SEMA3A: variants seen among roughly 807,000 people sequenced by gnomAD.
SEMA3A encodes the protein semaphorin 3A.
A neutral mutation model predicts 97.9 loss-of-function variants in SEMA3A; 29 were observed. The observed-to-expected ratio is 0.30, with a 90% confidence interval of 0.22 to 0.40. SEMA3A has a LOEUF of 0.40. SEMA3A is among the 10% of genes least tolerant of loss of function. The pLI is 1.00. For missense variants in SEMA3A, 763 were observed against 951.3 expected, an observed-to-expected ratio of 0.80 and a Z score of 2.60; for synonymous variants, 321 against 323.7, an observed-to-expected ratio of 0.99 and a Z score of 0.09.
At chr7:84,271,141 T>C (rs1020640456) in intron 3 of SEMA3A, among the ~76,000 whole-genome samples, 7 of 152,098 alleles carry the variant, frequency 4.6e-5, no homozygotes, top group African/African-American at 1.7e-4. Context: ...CTTTTCTCTC[T>C]CTTTTTTCTA....
chr7:84,219,874 T>G (rs1431584972), intron 3 of SEMA3A, among the ~76,000 whole-genome samples: 1 of 152,160 alleles, frequency 6.6e-6, no homozygotes, highest in Non-Finnish European at 1.5e-5. Flanking sequence ...CTTTTTCTGG[T>G]GAAGGGTCTT....
intron 3 of SEMA3A, among the ~76,000 whole-genome samples, chr7:84,245,880 C>T (rs2115584595): frequency 6.6e-6 from 1 of 152,304 alleles, no homozygotes; most frequent in Non-Finnish European, 1.5e-5. Context: ...AGCTCAAGCA[C>T]TGTGCTGGGA....
chr7:84,097,508 C>G (rs977358091), intron 4 of SEMA3A, among the ~76,000 whole-genome samples: 2 of 152,016 alleles, frequency 1.3e-5, no homozygotes, highest in South Asian at 4.1e-4. Context: ...GGCAGACTTG[C>G]GAATTGATTT....
At chr7:84,312,945 T>TAC (rs1323656036) in intron 2 of SEMA3A, among the ~76,000 whole-genome samples, 1 of 94,714 alleles carries the variant, frequency 1.1e-5, no homozygotes, top group African/African-American at 4.7e-5. Flanking sequence ...CACACACACG[T>TAC]ACACACATAT....
intron 2 of SEMA3A, among the ~76,000 whole-genome samples, chr7:84,316,904 A>G (rs1373355124): frequency 6.6e-6 from 1 of 152,184 alleles, no homozygotes; most frequent in Admixed American, 6.5e-5. Context: ...GAAAAGGTGA[A>G]GCTTTCACAA....
chr7:84,405,746 CA>C (rs1460776557), intron 1 of SEMA3A, among the ~76,000 whole-genome samples: 2 of 152,152 alleles, frequency 1.3e-5, no homozygotes, highest in Admixed American at 6.5e-5. Flanking sequence ...GAAACTCACT[CA>C]AAACCACTCA....
At chr7:84,490,406 G>A (rs1449482754) in intron 1 of SEMA3A, among the ~76,000 whole-genome samples, 1 of 152,032 alleles carries the variant, frequency 6.6e-6, no homozygotes, top group African/African-American at 2.4e-5. Flanking sequence ...TAGCATTTAA[G>A]CATAATAAGC....
chr7:84,062,838 G>A (rs1308723090), intron 4 of SEMA3A, among the ~76,000 whole-genome samples: 1 of 141,094 alleles, frequency 7.1e-6, no homozygotes, highest in African/African-American at 2.8e-5. Context: ...CAGCGAGGCG[G>A]GGGGAGGGGC....
chr7:84,418,531 G>A (rs931928441), intron 1 of SEMA3A, among the ~76,000 whole-genome samples: 6 of 152,018 alleles, frequency 3.9e-5, no homozygotes, highest in Non-Finnish European at 7.4e-5. Context: ...CAATGTGGGT[G>A]GGCACCCTCC....
At chr7:84,208,033 T>C (rs1169749723) in intron 3 of SEMA3A, among the ~76,000 whole-genome samples, 1 of 152,240 alleles carries the variant, frequency 6.6e-6, no homozygotes, top group Non-Finnish European at 1.5e-5. Flanking sequence ...TATTTATGTA[T>C]AAATGTATAT....
At chr7:83,976,107 C>T (rs994688417) in intron 15 of SEMA3A, among the ~76,000 whole-genome samples, 2 of 152,100 alleles carry the variant, frequency 1.3e-5, no homozygotes, top group Admixed American at 6.5e-5. Flanking sequence ...CAAACAATCC[C>T]GTGAGCATTC....
intron 1 of SEMA3A, among the ~76,000 whole-genome samples, chr7:84,393,167 T>C (rs1480814219): frequency 6.6e-6 from 1 of 152,154 alleles, no homozygotes; most frequent in Non-Finnish European, 1.5e-5. Flanking sequence ...TCTAGACATT[T>C]TTAAGTTTCA....
At chr7:84,483,975 C>A (rs574732039) in intron 1 of SEMA3A, among the ~76,000 whole-genome samples, 3 of 151,176 alleles carry the variant, frequency 2.0e-5, no homozygotes, top group Non-Finnish European at 4.4e-5. Context: ...ACCCAGGAGG[C>A]GGAGGTTGCA....
rs1788335583 is a variant in SEMA3A, at chr7:83,958,041, C to T, written c.*3330G>A. On this transcript the variant is annotated 3_prime_UTR_variant, in exon 17 of 17. Coordinates refer to ENST00000265362, the MANE Select transcript of SEMA3A (RefSeq NM_006080.3). ...CCTTTAAGATAAGCAATTTCAATAACAGTCATCTGACATCTTTGTGGATCC... is the reference window on the plus strand; with the variant it reads ...CCTTTAAGATAAGCAATTTCAATAATAGTCATCTGACATCTTTGTGGATCC... The T allele has an allele frequency of 6.6e-6, 1 of 152,068 alleles. No homozygotes were observed. Among genetic ancestry groups the T allele is most frequent in the East Asian group, 1.9e-4 (1 of 5,194 alleles). 9.4% of individuals were successfully genotyped at this position (152,068 alleles called of 1,614,324 possible).
intron 3 of SEMA3A, among the ~76,000 whole-genome samples, chr7:84,297,364 A>AGGC (rs1287786386): frequency 3.9e-5 from 6 of 152,182 alleles, no homozygotes; most frequent in African/African-American, 1.4e-4. Context: ...TCTGATTGAA[A>AGGC]AATAATTCCA....
At chr7:84,184,305 G>A (rs34446199) in intron 1 of SEMA3A, among the ~76,000 whole-genome samples, 9,648 of 152,176 alleles carry the variant, frequency 0.063, 354 homozygotes, top group African/African-American at 0.094. Flanking sequence ...AAAGGAAACC[G>A]TAATCCTGTA....
At chr7:84,417,538 TTC>T (rs747049823) in intron 1 of SEMA3A, among the ~76,000 whole-genome samples, 6 of 152,098 alleles carry the variant, frequency 3.9e-5, no homozygotes, top group African/African-American at 1.4e-4. Context: ...CACAAAAAAT[TTC>T]TGTTTAAAGT....
At chr7:84,403,470 C>T (rs1345537864) in intron 1 of SEMA3A, among the ~76,000 whole-genome samples, 1 of 152,222 alleles carries the variant, frequency 6.6e-6, no homozygotes, top group Non-Finnish European at 1.5e-5. Context: ...CCTCTGGGGG[C>T]AGGGCACAGA....
intron 6 of SEMA3A, among the ~76,000 whole-genome samples, chr7:84,036,582 AGAG>A (rs1470719882): frequency 2.0e-5 from 3 of 152,282 alleles, no homozygotes; most frequent in South Asian, 2.1e-4. Context: ...TTGTTGAATG[AGAG>A]GAGAAGAGAC....
Sources: allele counts gnomAD v4.1 joint callset (sites outside exome capture counted in the v4.1 genomes callset), GRCh38; gene constraint gnomAD v4.1.1; transcripts MANE v1.5; gene names NCBI Gene and HGNC (gene_info 2026-07-23, HGNC 2026-07-21).